Variants in ZFPM2 observed in about 807,000 individuals in gnomAD.
The protein encoded by ZFPM2 is zinc finger protein, FOG family member 2.
Under a neutral mutation model 98.6 loss-of-function variants are expected in ZFPM2, and 20 were observed. The ratio of observed to expected loss-of-function variants is 0.20; its 90% CI spans 0.14 to 0.29. The LOEUF is 0.29. Among genes scored for constraint, ZFPM2 ranks in the 10% least tolerant of loss-of-function variants. ZFPM2 has a pLI of 1.00. For missense variants in ZFPM2, 1,310 were observed against 1,388.6 expected (o/e 0.94, Z 0.90); for synonymous variants, 518 against 502.7 (o/e 1.03, Z -0.41).
chr8:105,359,138 T>C (rs1465865472), intron 1 of ZFPM2, among the ~76,000 whole-genome samples: 1 of 152,032 alleles, frequency 6.6e-6, no homozygotes, highest in East Asian at 1.9e-4. Context: ...ATGCTGTTCT[T>C]GTGACAGTGA....
intron 6 of ZFPM2, among the ~76,000 whole-genome samples, chr8:105,795,427 A>G (rs942791718): frequency 4.6e-5 from 7 of 152,072 alleles, no homozygotes. Flanking sequence ...AGCTGTGAGA[A>G]GGCGAGCACC....
At chr8:105,485,695 G>A (rs1813218076) in intron 3 of ZFPM2, among the ~76,000 whole-genome samples, 1 of 152,134 alleles carries the variant, frequency 6.6e-6, no homozygotes, top group African/African-American at 2.4e-5. Flanking sequence ...GAAGCTGTAG[G>A]ACTTTGTTAA....
chr8:105,438,116 A>G (rs1812162835), intron 2 of ZFPM2, among the ~76,000 whole-genome samples: 1 of 152,194 alleles, frequency 6.6e-6, no homozygotes, highest in Non-Finnish European at 1.5e-5. Flanking sequence ...TATTAAACAT[A>G]CAGAGTTCAG....
At chr8:105,730,799 C>A (rs562892808) in intron 5 of ZFPM2, among the ~76,000 whole-genome samples, 8 of 131,924 alleles carry the variant, frequency 6.1e-5, no homozygotes, top group East Asian at 2.3e-4. Flanking sequence ...TTTTTTTTTA[C>A]TGGCTACAGA....
intron 1 of ZFPM2, among the ~76,000 whole-genome samples, chr8:105,399,173 A>G (rs1365648602): frequency 2.0e-5 from 3 of 152,190 alleles, no homozygotes; most frequent in African/African-American, 7.2e-5. Flanking sequence ...GGGCCATGAT[A>G]TAGATTTTGG....
intron 3 of ZFPM2, among the ~76,000 whole-genome samples, chr8:105,533,642 C>T (rs1814345519): frequency 6.7e-6 from 1 of 149,076 alleles, no homozygotes; most frequent in Non-Finnish European, 1.5e-5. Flanking sequence ...GGCCCTTTCC[C>T]TCCCTCCCTC....
chr8:105,389,254 C>A (rs1284939879), intron 1 of ZFPM2, among the ~76,000 whole-genome samples: 1 of 151,988 alleles, frequency 6.6e-6, no homozygotes, highest in African/African-American at 2.4e-5. Flanking sequence ...TAATTGAAAT[C>A]TATTAGCATA....
chr8:105,569,998 A>G (rs1815320951), intron 4 of ZFPM2, among the ~76,000 whole-genome samples: 1 of 152,176 alleles, frequency 6.6e-6, no homozygotes, highest in Non-Finnish European at 1.5e-5. Flanking sequence ...AGCCAGTTTC[A>G]TTCACAGACG....
intron 5 of ZFPM2, among the ~76,000 whole-genome samples, chr8:105,694,144 G>GC (rs1368077385): frequency 6.6e-6 from 1 of 151,092 alleles, no homozygotes; most frequent in Non-Finnish European, 1.5e-5. Flanking sequence ...CTGTCACTAC[G>GC]CCGGCTAATT....
chr8:105,441,486 G>GAAAA (rs1554604937), intron 2 of ZFPM2, among the ~76,000 whole-genome samples: 1 of 74,062 alleles, frequency 1.4e-5, no homozygotes, highest in Admixed American at 1.4e-4. Flanking sequence ...AAGAAAGAAA[G>GAAAA]AAAGAAAGAA....
At chr8:105,628,926 C>G (rs1177996089) in intron 4 of ZFPM2, among the ~76,000 whole-genome samples, 1 of 152,082 alleles carries the variant, frequency 6.6e-6, no homozygotes, top group Non-Finnish European at 1.5e-5. Context: ...AAAGGACCCA[C>G]TGAACTGTTA....
At chr8:105,422,870 G>T (rs1811832167) in intron 2 of ZFPM2, among the ~76,000 whole-genome samples, 4 of 152,050 alleles carry the variant, frequency 2.6e-5, no homozygotes, top group Admixed American at 2.0e-4. Flanking sequence ...CTTTTTAAAA[G>T]AAAAACTACA....
intron 4 of ZFPM2, among the ~76,000 whole-genome samples, chr8:105,617,473 C>T (rs1042439752): frequency 1.3e-5 from 2 of 152,086 alleles, no homozygotes; most frequent in Admixed American, 6.5e-5. Flanking sequence ...TCCATCAGTG[C>T]GCCTAGATTT....
intron 3 of ZFPM2, among the ~76,000 whole-genome samples, chr8:105,501,188 T>A (rs1433350295): frequency 6.6e-6 from 1 of 150,930 alleles, no homozygotes; most frequent in Non-Finnish European, 1.5e-5. Context: ...TTTTCTCTTT[T>A]TTTTTTTTTT....
intron 3 of ZFPM2, among the ~76,000 whole-genome samples, chr8:105,467,317 C>G (rs1242865812): frequency 6.6e-6 from 1 of 152,032 alleles, no homozygotes; most frequent in Non-Finnish European, 1.5e-5. Context: ...TTCCCACAAG[C>G]AAATGAGGAT....
At chr8:105,625,970 GGA>G (rs1491107628) in intron 4 of ZFPM2, among the ~76,000 whole-genome samples, 1 of 141,066 alleles carries the variant, frequency 7.1e-6, no homozygotes, top group Admixed American at 7.0e-5. Flanking sequence ...TCTATTTTCT[GGA>G]AAAAAAAAAA....
chr8:105,789,054 T>G (rs1325273999), intron 6 of ZFPM2, 130 bp downstream of exon 6: 2 of 726,462 alleles, frequency 2.8e-6, no homozygotes, highest in African/African-American at 3.5e-5. Context: ...TTATCTTTTT[T>G]CTTTTTAAAT....
At chr8:105,649,559 A>G (rs779242178) in intron 5 of ZFPM2, among the ~76,000 whole-genome samples, 4 of 152,218 alleles carry the variant, frequency 2.6e-5, no homozygotes, top group African/African-American at 9.6e-5. Flanking sequence ...CGTCCCATCA[A>G]TACCTAATTT....
chr8:105,527,743 A>C (rs1814206388), intron 3 of ZFPM2, among the ~76,000 whole-genome samples: 1 of 152,144 alleles, frequency 6.6e-6, no homozygotes, highest in Non-Finnish European at 1.5e-5. Flanking sequence ...AGCTAATTGG[A>C]AATGCAGTGT....
Sources: gnomAD v4.1 joint callset for allele counts (sites outside exome capture counted in the v4.1 genomes callset) on GRCh38, gnomAD v4.1.1 for gene constraint, MANE v1.5 for transcripts, NCBI Gene and HGNC (gene_info 2026-07-23, HGNC 2026-07-21) for gene names.